The following MGAT4C variants were observed in gnomAD, a reference collection of about 807,000 sequenced individuals.
MGAT4C encodes MGAT4 family member C.
MGAT4C carries 19 observed loss-of-function variants against 40.1 expected under a neutral mutation model. That is an observed-to-expected ratio of 0.47 (90% CI 0.33 to 0.70). MGAT4C has a LOEUF of 0.70. Ranked by LOEUF, MGAT4C falls within the 30% of genes least tolerant of loss-of-function variation. The pLI is 0.02. For missense variants in MGAT4C, 491 were observed against 563.2 expected (o/e 0.87, Z 1.30); for synonymous variants, 181 against 187.1 (o/e 0.97, Z 0.27).
intron 3 of MGAT4C, among the ~76,000 whole-genome samples, chr12:86,356,005 C>T (rs1234923645): frequency 1.3e-5 from 2 of 151,894 alleles, no homozygotes; most frequent in Admixed American, 6.6e-5. Flanking sequence ...AATAAAGAAA[C>T]CCAGATGGTG....
At chr12:86,574,566 A>G (rs759225252) in intron 2 of MGAT4C, among the ~76,000 whole-genome samples, 2 of 151,800 alleles carry the variant, frequency 1.3e-5, no homozygotes, top group Non-Finnish European at 2.9e-5. Flanking sequence ...GTTTAAGATT[A>G]GTGATGTTCA....
At chr12:86,814,241 C>T (rs1277259745) in intron 1 of MGAT4C, among the ~76,000 whole-genome samples, 6 of 146,244 alleles carry the variant, frequency 4.1e-5, no homozygotes, top group East Asian at 2.0e-4. Flanking sequence ...TTGGCATATA[C>T]GTGTATATAT....
chr12:86,012,114 G>C (rs1324766999), intron 2 of MGAT4C, among the ~76,000 whole-genome samples: 1 of 152,162 alleles, frequency 6.6e-6, no homozygotes, highest in Non-Finnish European at 1.5e-5. Context: ...ATCATGATTT[G>C]AGTGAACTAT....
intron 2 of MGAT4C, among the ~76,000 whole-genome samples, chr12:86,502,687 CATATATATACACGAGATCTGCTCAT>C (rs1565808578): frequency 6.9e-6 from 1 of 144,992 alleles, no homozygotes; most frequent in African/African-American, 2.5e-5. Context: ...GAGTTCTGCT[CATATATATACACGAGATCTGCTCAT>C]ATATATATAC....
At chr12:86,651,323 C>A (rs1963690574) in intron 2 of MGAT4C, among the ~76,000 whole-genome samples, 1 of 151,644 alleles carries the variant, frequency 6.6e-6, no homozygotes, top group African/African-American at 2.4e-5. Flanking sequence ...CATTGATATG[C>A]CTGGCATGAA....
chr12:86,132,832 A>G (rs1881431215), intron 1 of MGAT4C, among the ~76,000 whole-genome samples: 1 of 151,380 alleles, frequency 6.6e-6, no homozygotes, highest in Non-Finnish European at 1.5e-5. Flanking sequence ...AAAAACTGAC[A>G]GTAGGGTTAA....
At chr12:86,109,912 T>C in intron 1 of MGAT4C, among the ~76,000 whole-genome samples, 1 of 151,450 alleles carries the variant, frequency 6.6e-6, no homozygotes, top group Non-Finnish European at 1.5e-5. Flanking sequence ...AACAGGAGAA[T>C]CTAAATGAGC....
intron 2 of MGAT4C, among the ~76,000 whole-genome samples, chr12:86,610,766 C>T (rs934367866): frequency 6.8e-6 from 1 of 147,224 alleles, no homozygotes; most frequent in African/African-American, 2.5e-5. Flanking sequence ...CAGCAGTCCC[C>T]GGTGTGTGAT....
chr12:86,524,372 A>C (rs1958844893), intron 2 of MGAT4C, among the ~76,000 whole-genome samples: 1 of 152,080 alleles, frequency 6.6e-6, no homozygotes, highest in Non-Finnish European at 1.5e-5. Context: ...CAGATATGAA[A>C]TTCTGGGTTG....
chr12:86,355,965 A>G (rs1281263822), intron 3 of MGAT4C, among the ~76,000 whole-genome samples: 1 of 152,170 alleles, frequency 6.6e-6, no homozygotes, highest in Non-Finnish European at 1.5e-5. Context: ...AATACATATG[A>G]TAGCCACTCC....
chr12:86,310,572 A>T (rs2136149766), intron 4 of MGAT4C, among the ~76,000 whole-genome samples: 1 of 152,260 alleles, frequency 6.6e-6, no homozygotes, highest in Admixed American at 6.5e-5. Flanking sequence ...TACTGACTCC[A>T]TTCCTACAGG....
At chr12:86,484,581 C>A in intron 2 of MGAT4C, among the ~76,000 whole-genome samples, 1 of 152,198 alleles carries the variant, frequency 6.6e-6, no homozygotes, top group East Asian at 1.9e-4. Context: ...TGATCCCAAT[C>A]CCTCAGGGCT....
In MGAT4C at chr12:86,775,690, TACCACATGGATAGTA is replaced by T. The variant is rs1360562039; in HGVS notation, c.-261-48464_-261-48450del. On this transcript the variant is annotated intron_variant, in intron 1 of 7. Coordinates refer to the MGAT4C transcript ENST00000548651. ...TCTCACAGAAGCACTGCTATTTATT[TACCACATGGATAGTA>T]ACCTTTGAAAGAAAAAGGATAATGG... 6.6e-5 allele frequency among the ~76,000 whole-genome samples: 10 copies of T among 151,866 alleles called. No individual in the cohort carries two copies. In the East Asian group the frequency reaches 1.5e-3, roughly 23 times the overall value.
intron 2 of MGAT4C, among the ~76,000 whole-genome samples, chr12:86,536,380 T>G (rs1959068306): frequency 6.6e-6 from 1 of 152,132 alleles, no homozygotes; most frequent in Non-Finnish European, 1.5e-5. Context: ...GGAAGCATAG[T>G]CATTTGCTAA....
intron 1 of MGAT4C, among the ~76,000 whole-genome samples, chr12:86,224,672 G>A (rs1951010719): frequency 6.6e-6 from 1 of 152,052 alleles, no homozygotes; most frequent in Non-Finnish European, 1.5e-5. Flanking sequence ...ACAAATATGT[G>A]GAAACTAAGC....
chr12:86,801,778 C>G (rs1952231030), intron 1 of MGAT4C, among the ~76,000 whole-genome samples: 1 of 151,838 alleles, frequency 6.6e-6, no homozygotes, highest in Non-Finnish European at 1.5e-5. Flanking sequence ...TTTCTTAATA[C>G]TTACAAGTTA....
chr12:86,452,619 A>G (rs1312135527), intron 2 of MGAT4C, among the ~76,000 whole-genome samples: 9 of 152,052 alleles, frequency 5.9e-5, no homozygotes, highest in Non-Finnish European at 1.3e-4. Context: ...CTTCTAGAAT[A>G]TTGGCTTCCT....
At chr12:86,275,825 G>C (rs983177258) in intron 4 of MGAT4C, among the ~76,000 whole-genome samples, 2 of 151,966 alleles carry the variant, frequency 1.3e-5, no homozygotes, top group Admixed American at 6.6e-5. Flanking sequence ...AAATTGGCTG[G>C]GCGCGGTGGC....
intron 2 of MGAT4C, among the ~76,000 whole-genome samples, chr12:86,722,832 T>G (rs1950759151): frequency 6.6e-6 from 1 of 152,142 alleles, no homozygotes; most frequent in Non-Finnish European, 1.5e-5. Context: ...ATTCTGGCTT[T>G]GGAGGTTATA....
Sources: gnomAD v4.1 joint callset for allele counts (sites outside exome capture counted in the v4.1 genomes callset) on GRCh38, gnomAD v4.1.1 for gene constraint, MANE v1.5 for transcripts, NCBI Gene and HGNC (gene_info 2026-07-23, HGNC 2026-07-21) for gene names.